Variants in PDE1A observed in about 807,000 individuals in gnomAD.
The protein encoded by PDE1A is phosphodiesterase 1A, also known as dual specificity calcium/calmodulin-dependent 3',5'-cyclic nucleotide phosphodiesterase 1A.
Under a neutral mutation model 61.7 loss-of-function variants are expected in PDE1A, and 35 were observed. The ratio of observed to expected loss-of-function variants is 0.57; its 90% CI spans 0.43 to 0.75. The LOEUF (loss-of-function observed/expected upper bound fraction) is 0.75. PDE1A is among the 30% of genes least tolerant of loss of function. The probability of loss-of-function intolerance (pLI) is 0.00; values close to 1 mark genes in which losing one functional copy is unlikely to be tolerated. For missense variants in PDE1A, 597 were observed against 630.6 expected (o/e 0.95, Z 0.57); for synonymous variants, 232 against 213.2 (o/e 1.09, Z -0.77).
At chr2:182,558,630 T>C in the PDE1A span, among the ~76,000 whole-genome samples, 1 of 152,162 alleles carries the variant, frequency 6.6e-6, no homozygotes, top group Non-Finnish European at 1.5e-5. Flanking sequence ...CATCTGACAA[T>C]GGAAACTGTA....
chr2:182,353,087 A>G (rs1698981792), intron 1 of PDE1A, among the ~76,000 whole-genome samples: 2 of 152,204 alleles, frequency 1.3e-5, no homozygotes, highest in Admixed American at 6.5e-5. Context: ...TCACAATTAC[A>G]TATGGAAAAG....
chr2:182,411,290 C>T (rs1219941021), intron 1 of PDE1A, among the ~76,000 whole-genome samples: 2 of 152,200 alleles, frequency 1.3e-5, no homozygotes, highest in East Asian at 3.8e-4. Flanking sequence ...TTGTCTGCCT[C>T]CTTCCATTCA....
chr2:182,163,057 G>A (rs926822884), downstream of PDE1A, among the ~76,000 whole-genome samples: 2 of 152,118 alleles, frequency 1.3e-5, no homozygotes, highest in African/African-American at 4.8e-5. Flanking sequence ...CTTGACAGAT[G>A]CAGAGGTGGT....
chr2:182,650,447 G>A, the PDE1A span, among the ~76,000 whole-genome samples: 2 of 152,042 alleles, frequency 1.3e-5, no homozygotes, highest in South Asian at 2.1e-4. Flanking sequence ...CAGACTTAAG[G>A]AACATTCAGT....
chr2:182,314,407 C>T (rs1696195826), intron 1 of PDE1A: 1 of 152,130 alleles, frequency 6.6e-6, no homozygotes, highest in Admixed American at 6.6e-5. Flanking sequence ...GCGAGACCAC[C>T]AGGTTGTCTA....
At chr2:182,627,355 TAA>T in the PDE1A span, among the ~76,000 whole-genome samples, 3 of 118,254 alleles carry the variant, frequency 2.5e-5, no homozygotes, top group African/African-American at 9.9e-5. Flanking sequence ...ATATAAAATA[TAA>T]TATATATATT....
chr2:182,488,563 A>C (rs531258796), intron 2 of PDE1A, among the ~76,000 whole-genome samples: 1 of 152,326 alleles, frequency 6.6e-6, no homozygotes, highest in South Asian at 2.1e-4. Flanking sequence ...ACATGTTAAC[A>C]CTATACTATT....
At chr2:182,380,116 T>TTC (rs1292710198) in intron 1 of PDE1A, among the ~76,000 whole-genome samples, 1 of 144,436 alleles carries the variant, frequency 6.9e-6, no homozygotes, top group Non-Finnish European at 1.5e-5. Context: ...CTTTTTTTTT[T>TTC]TTTTTTTTTT....
chr2:182,316,932 C>T (rs984570921), intron 1 of PDE1A, among the ~76,000 whole-genome samples: 10 of 152,122 alleles, frequency 6.6e-5, no homozygotes, highest in African/African-American at 2.4e-4. Flanking sequence ...AAGTTACTTA[C>T]ATCCTTTTGT....
At chr2:182,453,381 A>G (rs1203987629) in intron 2 of PDE1A, among the ~76,000 whole-genome samples, 2 of 151,998 alleles carry the variant, frequency 1.3e-5, no homozygotes, top group Non-Finnish European at 2.9e-5. Flanking sequence ...AATTGGACAC[A>G]TGATGCCCGA....
chr2:182,559,151 T>A, the PDE1A span, among the ~76,000 whole-genome samples: 1 of 152,152 alleles, frequency 6.6e-6, no homozygotes, highest in Non-Finnish European at 1.5e-5. Context: ...AAAACCATTA[T>A]AACATTAAAA....
At chr2:182,589,252 GA>G in the PDE1A span, among the ~76,000 whole-genome samples, 1 of 113,900 alleles carries the variant, frequency 8.8e-6, no homozygotes, top group African/African-American at 3.1e-5. Context: ...AAAAAGAAAA[GA>G]AGGAAGGGAG....
At chr2:182,600,255 T>C in the PDE1A span, among the ~76,000 whole-genome samples, 2 of 152,248 alleles carry the variant, frequency 1.3e-5, no homozygotes, top group African/African-American at 4.8e-5. Context: ...TGCAGAATAT[T>C]CATTTTCTGA....
At chr2:182,563,858 C>T in the PDE1A span, among the ~76,000 whole-genome samples, 4 of 152,242 alleles carry the variant, frequency 2.6e-5, no homozygotes, top group African/African-American at 9.6e-5. Flanking sequence ...AGTGTTTTAT[C>T]AGAGACTAGG....
At chr2:182,554,829 T>C in the PDE1A span, among the ~76,000 whole-genome samples, 10 of 152,172 alleles carry the variant, frequency 6.6e-5, no homozygotes, top group Non-Finnish European at 1.2e-4. Context: ...TAGAAAAATA[T>C]GGTTTCATAA....
intron 1 of PDE1A, among the ~76,000 whole-genome samples, chr2:182,403,476 G>T (rs1015201459): frequency 3.9e-5 from 6 of 151,958 alleles, no homozygotes; most frequent in African/African-American, 1.5e-4. Flanking sequence ...GCGGGCGCCT[G>T]TAGTCCCAGC....
intron 13 of PDE1A, among the ~76,000 whole-genome samples, chr2:182,178,475 A>G (rs1428807725): frequency 6.6e-6 from 1 of 152,142 alleles, no homozygotes; most frequent in East Asian, 1.9e-4. Context: ...AGAGACTTAG[A>G]CAGTTATAGT....
rs1559192717 is a variant in PDE1A at position 182,212,024 on chromosome 2, GCA to G, written c.777-5961_777-5960del. On this transcript the variant is annotated intron_variant, in intron 7 of 13. Transcript: ENST00000351439. Reference sequence around the variant, plus strand: ...TTTCTAGTTGTATTGCATTAGTATTGCATACTTCCAGTATGATACAAAAATTA... The same window carrying G: ...TTTCTAGTTGTATTGCATTAGTATTGTACTTCCAGTATGATACAAAAATTA... 3.4e-3 allele frequency among the ~76,000 whole-genome samples: 513 copies of G among 152,028 alleles called. 2 individuals are homozygous for G. The highest frequency in any genetic ancestry group is 0.012 in the African/African-American group (499 of 41,466).
chr2:182,263,389 A>G (rs985304783), intron 2 of PDE1A, among the ~76,000 whole-genome samples: 4 of 152,234 alleles, frequency 2.6e-5, no homozygotes, highest in South Asian at 2.1e-4. Context: ...CTGAATTTTT[A>G]TAATTCCTAC....
Sources: allele counts gnomAD v4.1 joint callset (sites outside exome capture counted in the v4.1 genomes callset), GRCh38; gene constraint gnomAD v4.1.1; transcripts MANE v1.5; gene names NCBI Gene and HGNC (gene_info 2026-07-23, HGNC 2026-07-21).